Variants in FBN2 observed in about 807,000 individuals in gnomAD.
FBN2 encodes fibrillin 2.
FBN2 carries 105 observed loss-of-function variants against 355.6 expected under a neutral mutation model. The ratio of observed to expected loss-of-function variants is 0.30; its 90% CI spans 0.25 to 0.35. The LOEUF (loss-of-function observed/expected upper bound fraction) is 0.35, where lower values mean the gene tolerates loss of function less well. FBN2 is among the 10% of genes least tolerant of loss of function. The pLI is 1.00. For synonymous variants in FBN2, 1,350 were observed against 1,301.2 expected (o/e 1.04, Z -0.81); for missense variants, 3,280 against 3,758.7 (o/e 0.87, Z 3.33).
intron 48 of FBN2, among the ~76,000 whole-genome samples, chr5:128,296,146 T>C (rs1032339204): frequency 1.1e-4 from 16 of 152,324 alleles, no homozygotes; most frequent in African/African-American, 3.8e-4. Context: ...CATTTGTTGA[T>C]TTGCATATAT....
intron 10 of FBN2, among the ~76,000 whole-genome samples, chr5:128,392,804 T>C (rs1752550400): frequency 6.6e-6 from 1 of 152,168 alleles, no homozygotes; most frequent in Admixed American, 6.5e-5. Context: ...AAAACATGCT[T>C]TTTGGTGGTG....
intron 6 of FBN2, among the ~76,000 whole-genome samples, chr5:128,461,327 G>A (rs1056922018): frequency 6.6e-6 from 1 of 152,096 alleles, no homozygotes; most frequent in Non-Finnish European, 1.5e-5. Flanking sequence ...CATTCAGAAT[G>A]GTGATTATTA....
chr5:128,334,830 C>T lies in FBN2; in HGVS notation c.3988G>A (p.Asp1330Asn). The T allele has an allele frequency of 6.2e-7, 1 of 1,612,382 alleles. No individual in the cohort carries two copies. Among genetic ancestry groups the T allele is most frequent in the South Asian group, 1.1e-5 (1 of 91,012 alleles). Residue 1330 changes from aspartate to asparagine, a missense_variant, in exon 31 of 65, where the codon GAC (aspartate) becomes AAC (asparagine). Around this residue, in one of 6 missense-constraint regions of FBN2, gnomAD observed 2,284 missense variants for 2,749.5 expected, o/e 0.83. Coordinates refer to ENST00000262464, the MANE Select transcript of FBN2 (RefSeq NM_001999.4). Reference sequence around the variant, plus strand: ...AACATGCAGATATTTGAATTTAGGTCACATTCATTGACATCTAGAAAATTT... The same window carrying T: ...AACATGCAGATATTTGAATTTAGGTTACATTCATTGACATCTAGAAAATTT... ...MKTCIDVNEC[D>N]LNSNICMFGE...
chr5:128,516,472 C>G (rs1401692769), intron 5 of FBN2, among the ~76,000 whole-genome samples: 1 of 151,590 alleles, frequency 6.6e-6, no homozygotes, highest in Non-Finnish European at 1.5e-5. Context: ...CACACTCAGA[C>G]TCAAGTTAAA....
chr5:128,437,907 T>C (rs1753817025), intron 7 of FBN2, among the ~76,000 whole-genome samples: 1 of 152,172 alleles, frequency 6.6e-6, no homozygotes, highest in South Asian at 2.1e-4. Context: ...TGATCTGTTT[T>C]TCTGTTTTGA....
chr5:128,528,936 C>G (rs1756638894), intron 3 of FBN2, among the ~76,000 whole-genome samples: 1 of 152,196 alleles, frequency 6.6e-6, no homozygotes, highest in African/African-American at 2.4e-5. Flanking sequence ...TAATTATTTT[C>G]CAGTAAAGCC....
chr5:128,327,668 C>T (rs1194612757), intron 34 of FBN2, among the ~76,000 whole-genome samples: 6 of 142,800 alleles, frequency 4.2e-5, no homozygotes, highest in Non-Finnish European at 7.5e-5. Context: ...GACTGAGTTT[C>T]GCTCTTGTTG....
Position 128,330,673 on chromosome 5 carries a change from T to C in FBN2, c.4245A>G (p.Gly1415=). The change falls in exon 33 of 65, where the codon GGA becomes GGG. Residue 1415 remains glycine, a synonymous_variant. Transcript: ENST00000262464. The part of the protein sequence containing the change: ...KCIDLDECSN[G]THQCSINAQC... ...GAGCATTGATGCTACACTGGTGGGT[T>C]CCATTAGAACATTCGTCCAGATCTG... 3 of 1,614,022 alleles carry C rather than the reference T, an allele frequency of 1.9e-6. No homozygotes were observed. Among genetic ancestry groups the C allele is most frequent in the Non-Finnish European group, 2.5e-6 (3 of 1,179,902 alleles).
At chr5:128,398,635 C>T (rs761712740) in intron 8 of FBN2, among the ~76,000 whole-genome samples, 15 of 151,822 alleles carry the variant, frequency 9.9e-5, no homozygotes, top group Non-Finnish European at 1.8e-4. Flanking sequence ...GACACTGAAA[C>T]GTTAAAAAGA....
intron 34 of FBN2, among the ~76,000 whole-genome samples, chr5:128,324,767 G>A (rs370047178): frequency 7.9e-5 from 12 of 152,024 alleles, no homozygotes; most frequent in South Asian, 2.1e-4. Flanking sequence ...ACAGGTGCCC[G>A]GCATCATGCC....
chr5:128,376,669 T>G, intron 14 of FBN2, 62 bp downstream of exon 14: 8 of 1,583,986 alleles, frequency 5.1e-6, no homozygotes, highest in Non-Finnish European at 6.9e-6. Flanking sequence ...CTTCCATGGT[T>G]CATTCAAATA....
chr5:128,408,446 C>T (rs920504252), intron 8 of FBN2, among the ~76,000 whole-genome samples: 6 of 152,222 alleles, frequency 3.9e-5, no homozygotes, highest in African/African-American at 1.4e-4. Context: ...TTTCTTTATT[C>T]CCAAAATGAC....
intron 11 of FBN2, among the ~76,000 whole-genome samples, chr5:128,387,080 T>C (rs2126970528): frequency 6.6e-6 from 1 of 152,252 alleles, no homozygotes; most frequent in East Asian, 1.9e-4. Flanking sequence ...CCATGCTTTT[T>C]CTGGTTGGTA....
chr5:128,345,429 C>G lies in FBN2; in HGVS notation c.3145G>C (p.Glu1049Gln), dbSNP rs771853346. 2 of 1,614,134 alleles carry G rather than the reference C, an allele frequency of 1.2e-6. No individual in the cohort carries two copies. The highest frequency in any genetic ancestry group is 2.7e-5 in the African/African-American group (2 of 75,034). The change falls in exon 24 of 65, where the codon GAG becomes CAG. Residue 1049 changes from glutamate to glutamine, a missense_variant. Glu to Gln is a conservative substitution (Grantham distance 29, BLOSUM62 2). Transcript: ENST00000262464. ...ECPKPGTKEY[E>Q]TLCPRGAGFA... ...CCAGCCCCGCGGGGGCACAGCGTCT[C>G]GTATTCCTTGGTGCCAGGTTTGGGG...
Position 128,309,361 on chromosome 5 carries a change from T to G in FBN2, c.5239A>C (p.Thr1747Pro). The change falls in exon 41 of 65, where the codon ACC (threonine) becomes CCC (proline). Residue 1747 changes from threonine to proline, a missense_variant. Thr to Pro is a conservative substitution (Grantham distance 38, BLOSUM62 -1). Around this residue, in one of 6 missense-constraint regions of FBN2, gnomAD observed 2,284 missense variants for 2,749.5 expected, o/e 0.83. Transcript: ENST00000262464. ...AAAGGCAACTCATTCTCACAAGTGGTTCCATTATAGCTTCGGTAGCAAAAG... is the reference window on the plus strand; with the variant it reads ...AAAGGCAACTCATTCTCACAAGTGGGTCCATTATAGCTTCGGTAGCAAAAG... Reference protein sequence around the residue: ...KSFCYRSYNGTTCENELPFNV... With the variant: ...KSFCYRSYNGPTCENELPFNV... 6.2e-7 allele frequency: 1 copy of G among 1,614,072 alleles called. No homozygotes were observed. Among genetic ancestry groups the G allele is most frequent in the Non-Finnish European group, 8.5e-7 (1 of 1,179,928 alleles).
At chr5:128,452,714 T>C (rs1754286929) in intron 6 of FBN2, among the ~76,000 whole-genome samples, 1 of 152,178 alleles carries the variant, frequency 6.6e-6, no homozygotes, top group African/African-American at 2.4e-5. Flanking sequence ...TTTTTTTACA[T>C]TGAACTTGCT....
chr5:128,280,573 A>G (rs1481689426), intron 55 of FBN2, among the ~76,000 whole-genome samples: 1 of 152,152 alleles, frequency 6.6e-6, no homozygotes, highest in Non-Finnish European at 1.5e-5. Flanking sequence ...GTTAATATAT[A>G]GAATTGAAAA....
At chr5:128,290,634 AC>A (rs1473464471) in intron 50 of FBN2, 97 bp downstream of exon 50, 1 of 1,223,128 alleles carries the variant, frequency 8.2e-7, no homozygotes, top group African/African-American at 1.5e-5. Context: ...AGATGATTTC[AC>A]TCTCAAAATA....
At chr5:128,269,498 C>T (rs939208151) in intron 62 of FBN2, among the ~76,000 whole-genome samples, 5 of 150,342 alleles carry the variant, frequency 3.3e-5, no homozygotes, top group Admixed American at 3.3e-4. Flanking sequence ...TGTCTCAGCC[C>T]CAAAACTCAA....
Sources: allele counts gnomAD v4.1 joint callset (sites outside exome capture counted in the v4.1 genomes callset), GRCh38; gene constraint gnomAD v4.1.1; regional missense constraint gnomAD v4.1.1; transcripts MANE v1.5; gene names NCBI Gene and HGNC (gene_info 2026-07-23, HGNC 2026-07-21).